DEAF1: variants seen among roughly 807,000 people sequenced by gnomAD.
DEAF1 encodes the protein deformed epidermal autoregulatory factor 1 homolog.
Under a neutral mutation model 58.9 loss-of-function variants are expected in DEAF1, and 53 were observed. The ratio of observed to expected loss-of-function variants is 0.90; its 90% CI spans 0.72 to 1.13. The LOEUF (loss-of-function observed/expected upper bound fraction) is 1.13. Ranked by LOEUF, DEAF1 falls within the 50% of genes most tolerant of loss-of-function variation. The pLI is 0.00. For synonymous variants in DEAF1, 385 were observed against 340.4 expected (o/e 1.13, Z -1.44); for missense variants, 685 against 791.4 (o/e 0.87, Z 1.61).
intron 10 of DEAF1, among the ~76,000 whole-genome samples, chr11:666,885 A>G (rs1284932028): frequency 1.3e-5 from 2 of 151,314 alleles, no homozygotes; most frequent in African/African-American, 2.4e-5. Context: ...AAAAAAAAAA[A>G]AAAAAAAAAA....
At chr11:705,862 AG>A (rs1190912666) in intron 1 of DEAF1, among the ~76,000 whole-genome samples, 2 of 152,164 alleles carry the variant, frequency 1.3e-5, no homozygotes, top group Admixed American at 1.3e-4. Flanking sequence ...GGGCGCAGCT[AG>A]GCCCTGCCCA....
chr11:695,135 G>T lies in DEAF1; in HGVS notation c.-88C>A. 1 of 1,243,988 alleles carries T rather than the reference G, an allele frequency of 8.0e-7. No individual in the cohort carries two copies. The highest frequency in any genetic ancestry group is 1.6e-5 in the South Asian group (1 of 61,416). 77.1% of individuals were successfully genotyped at this position (1,243,988 alleles called of 1,614,324 possible). The stretch of plus-strand genomic sequence containing the variant: ...GCCCGAAGCGGGGCCCGAAGAGGAC[G>T]CCCGAGCTGGGCCGAGGCCGCCCGA... On this transcript the variant is annotated 5_prime_UTR_variant, in exon 1 of 12. Transcript: ENST00000382409.
In DEAF1 at chr11:681,109, G is replaced by C; in HGVS notation, c.871-20C>G. 6.2e-7 allele frequency: 1 copy of C among 1,613,618 alleles called. No homozygotes were observed. Among genetic ancestry groups the C allele is most frequent in the Non-Finnish European group, 8.5e-7 (1 of 1,180,018 alleles). ...GCCACTCTGGGGGAGAAAGGAGAGA[G>C]GCCACCACCTTCATGTGTGCAAAAG... On this transcript the variant is annotated intron_variant, in intron 6 of 11. Transcript: ENST00000382409.
rs572113249 is a variant in DEAF1 at position 705,278 on chromosome 11, C to A, written c.-438+1294G>T. The A allele has an allele frequency of 1.9e-5, 3 of 159,144 alleles. No homozygotes were observed. In the South Asian group the frequency reaches 5.4e-4, roughly 29 times the overall value. The allele number at this position is 159,144 out of a possible 1,614,324, so 9.9% of individuals were successfully genotyped here. A position where few individuals can be genotyped will look rare whatever the true frequency, so the allele number is the denominator to read the frequency against. On this transcript the variant is annotated intron_variant, in intron 1 of 11. Transcript: ENST00000683307. ...TGGGTCCCTGCATGGGCCTGGGGCG[C>A]CCTGTGCCCCTTCACCTCGTCCTCG...
chr11:660,816 C>T (rs1354792954), intron 10 of DEAF1, among the ~76,000 whole-genome samples: 1 of 152,206 alleles, frequency 6.6e-6, no homozygotes, highest in Non-Finnish European at 1.5e-5. Flanking sequence ...ACAGAAACCC[C>T]ATACCTGGAC....
intron 10 of DEAF1, among the ~76,000 whole-genome samples, chr11:655,357 G>C (rs72844737): frequency 0.013 from 1,954 of 152,302 alleles, 17 homozygotes; most frequent in Non-Finnish European, 0.017. Context: ...CATTATTGGA[G>C]CTTTTCTTTT....
chr11:694,220 G>T (rs1272997243), intron 1 of DEAF1, among the ~76,000 whole-genome samples: 1 of 151,458 alleles, frequency 6.6e-6, no homozygotes, highest in African/African-American at 2.4e-5. Context: ...ACAAAGAAAA[G>T]GGGGGCAGGG....
chr11:703,296 G>C, intron 1 of DEAF1: 1 of 1,428,926 alleles, frequency 7.0e-7, no homozygotes, highest in East Asian at 2.6e-5. Flanking sequence ...ATCTGTTCTG[G>C]CAGGAGTGGG....
chr11:700,306 C>G, intron 1 of DEAF1: 1 of 1,370,830 alleles, frequency 7.3e-7, no homozygotes, highest in Non-Finnish European at 1.0e-6. Flanking sequence ...GTGGGCGGAT[C>G]ACTTGAGGTC....
At chr11:645,160 C>CAA (rs80108345) in intron 11 of DEAF1, among the ~76,000 whole-genome samples, 1,535 of 100,918 alleles carry the variant, frequency 0.015, 39 homozygotes, top group Admixed American at 0.043. Flanking sequence ...AACTCCATAT[C>CAA]AAAAAAAAAA....
intron 1 of DEAF1, among the ~76,000 whole-genome samples, chr11:702,721 A>G (rs954997783): frequency 6.6e-6 from 1 of 152,230 alleles, no homozygotes; most frequent in Non-Finnish European, 1.5e-5. Flanking sequence ...ATGCTGTTGC[A>G]GGGGCACCTC....
At chr11:702,617 A>G (rs1358064227) in intron 1 of DEAF1, among the ~76,000 whole-genome samples, 1 of 152,280 alleles carries the variant, frequency 6.6e-6, no homozygotes, top group African/African-American at 2.4e-5. Context: ...ACTTGGAATT[A>G]GGAAAACGTG....
intron 9 of DEAF1, chr11:678,328 G>A (rs907363006): frequency 2.9e-5 from 8 of 278,986 alleles, no homozygotes; most frequent in Admixed American, 9.7e-5. Flanking sequence ...ACCAGATACC[G>A]AATGTCTATG....
At chr11:645,073 G>A (rs2133263344) in intron 11 of DEAF1, among the ~76,000 whole-genome samples, 1 of 149,104 alleles carries the variant, frequency 6.7e-6, no homozygotes, top group Non-Finnish European at 1.5e-5. Context: ...TGAGGCAGGA[G>A]AACTGCTCAG....
intron 6 of DEAF1, among the ~76,000 whole-genome samples, chr11:682,662 G>A (rs1016685424): frequency 2.0e-5 from 3 of 152,198 alleles, no homozygotes; most frequent in African/African-American, 7.2e-5. Context: ...GCATTAGCCG[G>A]GTTCTGTGTG....
Position 681,093 on chromosome 11 carries a change from G to A in DEAF1, c.871-4C>T. On this transcript the variant is annotated splice_polypyrimidine_tract_variant and splice_region_variant and intron_variant, in intron 6 of 11. Coordinates refer to ENST00000382409, the MANE Select transcript of DEAF1 (RefSeq NM_021008.4). ...CAAAAAGCCTGACTGGGCCACTCTG[G>A]GGGAGAAAGGAGAGAGGCCACCACC... 6.2e-7 allele frequency: 1 copy of A among 1,613,918 alleles called. No homozygotes were observed. The highest frequency in any genetic ancestry group is 8.5e-7 in the Non-Finnish European group (1 of 1,180,018).
chr11:671,602 T>G (rs983730455), intron 10 of DEAF1, among the ~76,000 whole-genome samples: 1 of 151,110 alleles, frequency 6.6e-6, no homozygotes, highest in African/African-American at 2.4e-5. Flanking sequence ...CTGGGTCCAG[T>G]GGCTCACGCC....
At chr11:665,731 G>A (rs1202202234) in intron 10 of DEAF1, among the ~76,000 whole-genome samples, 1 of 152,174 alleles carries the variant, frequency 6.6e-6, no homozygotes, top group African/African-American at 2.4e-5. Flanking sequence ...GACATAGCAG[G>A]GACAGGTGAC....
intron 1 of DEAF1, chr11:703,043 C>A (rs368431618): frequency 1.7e-5 from 27 of 1,612,770 alleles, no homozygotes; most frequent in Non-Finnish European, 1.9e-5. Context: ...CCTGCTTTGG[C>A]AGGCCCTAGT....
Sources: gnomAD v4.1 joint callset for allele counts (sites outside exome capture counted in the v4.1 genomes callset) on GRCh38, gnomAD v4.1.1 for gene constraint, MANE v1.5 for transcripts, NCBI Gene and HGNC (gene_info 2026-07-23, HGNC 2026-07-21) for gene names.